The following FOXP1 variants were observed in gnomAD, a reference collection of about 807,000 sequenced individuals.
FOXP1 encodes the protein forkhead box P1.
In FOXP1, 15 loss-of-function variants were observed where a neutral mutation model predicts 98.2. The observed-to-expected ratio is 0.15, with a 90% CI of 0.10 to 0.24. The LOEUF is 0.24. Ranked by LOEUF, FOXP1 falls within the 10% of genes least tolerant of loss-of-function variation. The pLI, the probability that FOXP1 is intolerant of heterozygous loss-of-function variation, is 1.00. For synonymous variants in FOXP1, 371 were observed against 314.5 expected (o/e 1.18, Z -1.90); for missense variants, 633 against 848.5 (o/e 0.75, Z 3.15).
At chr3:70,984,990 T>C (rs1464206483) in intron 14 of FOXP1, among the ~76,000 whole-genome samples, 1 of 152,242 alleles carries the variant, frequency 6.6e-6, no homozygotes, top group Non-Finnish European at 1.5e-5. Flanking sequence ...GATGATTGGA[T>C]ACAGCAAATG....
At chr3:71,394,464 T>C (rs558169051) in intron 3 of FOXP1, among the ~76,000 whole-genome samples, 1 of 152,352 alleles carries the variant, frequency 6.6e-6, no homozygotes, top group Non-Finnish European at 1.5e-5. Flanking sequence ...AAAAGGTAAC[T>C]ATACCCACCA....
intron 5 of FOXP1, among the ~76,000 whole-genome samples, chr3:71,233,500 C>T (rs2066507047): frequency 6.6e-6 from 1 of 151,890 alleles, no homozygotes; most frequent in Non-Finnish European, 1.5e-5. Context: ...GATCTCAGCT[C>T]ACTGCAACCG....
intron 6 of FOXP1, among the ~76,000 whole-genome samples, chr3:71,173,294 C>A (rs1478701147): frequency 2.0e-5 from 3 of 151,906 alleles, no homozygotes; most frequent in Admixed American, 2.0e-4. Context: ...CCATTCTCTT[C>A]TCCTCACCAT....
chr3:71,025,679 G>A (rs2046022806), intron 11 of FOXP1, among the ~76,000 whole-genome samples: 1 of 152,140 alleles, frequency 6.6e-6, no homozygotes, highest in African/African-American at 2.4e-5. Context: ...ACAGGGAAAA[G>A]GTCACTTTCT....
intron 4 of FOXP1, among the ~76,000 whole-genome samples, chr3:71,320,750 A>T (rs2107666379): frequency 6.6e-6 from 1 of 152,222 alleles, no homozygotes; most frequent in South Asian, 2.1e-4. Flanking sequence ...AACGGCAACA[A>T]TTTTTCCTTC....
At chr3:71,117,930 A>C (rs2058492422) in intron 6 of FOXP1, among the ~76,000 whole-genome samples, 1 of 152,204 alleles carries the variant, frequency 6.6e-6, no homozygotes, top group Non-Finnish European at 1.5e-5. Flanking sequence ...GCACACATTC[A>C]CATTTATTTT....
chr3:70,966,792 T>C (rs2034885916), intron 19 of FOXP1, among the ~76,000 whole-genome samples: 1 of 152,178 alleles, frequency 6.6e-6, no homozygotes, highest in Non-Finnish European at 1.5e-5. Context: ...TTACTCCACG[T>C]GAGTGTCAGC....
chr3:71,396,361 G>C (rs906032905), intron 3 of FOXP1, among the ~76,000 whole-genome samples: 1 of 152,110 alleles, frequency 6.6e-6, no homozygotes, highest in African/African-American at 2.4e-5. Flanking sequence ...TGGGACGTTA[G>C]TTTAATCAAC....
At chr3:71,485,452 A>G (rs1303637503) in intron 3 of FOXP1, among the ~76,000 whole-genome samples, 1 of 152,212 alleles carries the variant, frequency 6.6e-6, no homozygotes, top group Non-Finnish European at 1.5e-5. Flanking sequence ...AACTTTTTAA[A>G]ACAGGGAGAA....
intron 3 of FOXP1, among the ~76,000 whole-genome samples, chr3:71,402,212 T>C (rs2081997966): frequency 6.6e-6 from 1 of 152,174 alleles, no homozygotes; most frequent in Admixed American, 6.5e-5. Flanking sequence ...CCCAGCACTT[T>C]GGGAGGCTGA....
intron 5 of FOXP1, among the ~76,000 whole-genome samples, chr3:71,218,683 C>T (rs149732269): frequency 1.6e-4 from 25 of 152,294 alleles, no homozygotes; most frequent in Middle Eastern, 6.8e-3. Context: ...ATAACCCAGC[C>T]CATCTGTAAA....
At chr3:71,362,472 T>C (rs371211513) in intron 3 of FOXP1, among the ~76,000 whole-genome samples, 8 of 152,156 alleles carry the variant, frequency 5.3e-5, no homozygotes, top group Admixed American at 1.3e-4. Context: ...CGCCCAGCCC[T>C]ATTATTTACT....
At chr3:71,357,953 GA>G (rs979050857) in intron 4 of FOXP1, among the ~76,000 whole-genome samples, 6 of 148,114 alleles carry the variant, frequency 4.1e-5, no homozygotes, top group Non-Finnish European at 9.0e-5. Context: ...TTCTCTGAGG[GA>G]AAAAAAAAAC....
intron 3 of FOXP1, among the ~76,000 whole-genome samples, chr3:71,365,443 G>T (rs1457815760): frequency 7.5e-6 from 1 of 133,360 alleles, no homozygotes; most frequent in Non-Finnish European, 1.6e-5. Context: ...AGGAATACTT[G>T]CAACAACCAA....
chr3:71,463,062 C>A (rs2088303557), intron 3 of FOXP1, among the ~76,000 whole-genome samples: 1 of 152,154 alleles, frequency 6.6e-6, no homozygotes, highest in South Asian at 2.1e-4. Flanking sequence ...CATTCTCAGA[C>A]CTCCGAACTT....
intron 3 of FOXP1, among the ~76,000 whole-genome samples, chr3:71,425,864 T>C (rs1205914396): frequency 3.3e-5 from 5 of 152,208 alleles, no homozygotes; most frequent in Admixed American, 3.3e-4. Flanking sequence ...ATTGAGCTTA[T>C]TCAAACTCTT....
At position 71,545,106 on chromosome 3, in the gene FOXP1, A is replaced by T. The variant is rs201122308; in HGVS notation, c.-298+36443T>A. Among the ~76,000 whole-genome samples the T allele has an allele frequency of 7.7e-5, 11 of 141,972 alleles. No homozygotes were observed. The South Asian group carries it at 8.6e-4, about 11-fold the overall frequency. 93.1% of individuals were successfully genotyped at this position (141,972 alleles called of 152,430 possible). On this transcript the variant is annotated intron_variant, in intron 2 of 20. Coordinates refer to ENST00000649528, the MANE Select transcript of FOXP1 (RefSeq NM_001349338.3). ...TGGGTGGTAAAACAATTTTTTTTTT[A>T]TTAAAAATAACCATTTTATTTACAC...
At chr3:71,133,120 C>A (rs1225276763) in intron 6 of FOXP1, among the ~76,000 whole-genome samples, 2 of 152,176 alleles carry the variant, frequency 1.3e-5, no homozygotes, top group Non-Finnish European at 2.9e-5. Flanking sequence ...AATGCAAATT[C>A]CCTTATACAT....
chr3:71,175,487 T>C (rs1415536132), intron 6 of FOXP1, among the ~76,000 whole-genome samples: 1 of 152,186 alleles, frequency 6.6e-6, no homozygotes, highest in African/African-American at 2.4e-5. Context: ...TTTTCCACTG[T>C]TCTTTTCAAA....
Sources: gnomAD v4.1 joint callset for allele counts (sites outside exome capture counted in the v4.1 genomes callset) on GRCh38, gnomAD v4.1.1 for gene constraint, MANE v1.5 for transcripts, NCBI Gene and HGNC (gene_info 2026-07-23, HGNC 2026-07-21) for gene names.